OR5H6: variants seen among roughly 807,000 people sequenced by gnomAD.
OR5H6 encodes olfactory receptor family 5 subfamily H member 6, also known as olfactory receptor 5H6.
For missense variants in OR5H6, 429 were observed against 358.1 expected (o/e 1.20, Z -1.60); for synonymous variants, 151 against 127.7 (o/e 1.18, Z -1.23).
chr3:98,264,939 G>A lies in OR5H6; in HGVS notation c.607G>A (p.Ala203Thr), dbSNP rs144411993. 1.1e-4 allele frequency: 171 copies of A among 1,605,044 alleles called. No homozygotes were observed. Among genetic ancestry groups the A allele is most frequent in the Admixed American group, 9.9e-4 (58 of 58,344 alleles). The change falls in exon 1 of 1, where the codon GCA becomes ACA. Residue 203 changes from alanine to threonine, a missense_variant. Ala to Thr is a moderately conservative substitution (Grantham distance 58). Coordinates refer to ENST00000615035, the MANE Select transcript of OR5H6 (RefSeq NM_001005479.2). ...TAACTTTCTAATGGTTTTTATTTTC[G>A]CAGGTTCTGTTCAAGTTTTTACCAT... ...SINFLMVFIF[A>T]GSVQVFTIGT...
rs1705879280 is a variant in OR5H6, at chr3:98,265,192, C to T, written c.860C>T (p.Pro287Leu). 2 of 1,610,034 alleles carry T rather than the reference C, an allele frequency of 1.2e-6. No homozygotes were observed. The highest frequency in any genetic ancestry group is 1.7e-6 in the Non-Finnish European group (2 of 1,178,434). ...ACTGTCATAGTTCCTTTATTAAATC[C>T]CATGATCTACAGCCTGAGAAACAAG... is the stretch of plus-strand genomic sequence containing the variant. ...FYTVIVPLLN[P>L]MIYSLRNKQV... The change falls in exon 1 of 1, where the codon CCC becomes CTC. Residue 287 changes from proline to leucine, a missense_variant. Physicochemically the swap from Pro to Leu is moderately conservative, Grantham distance 98. Coordinates refer to ENST00000615035, the MANE Select transcript of OR5H6 (RefSeq NM_001005479.2).
Position 98,264,902 on chromosome 3 carries a change from T to C in OR5H6, c.570T>C (p.Thr190=). ...TCCCATTGTTAAAGATTTCCTGTAC[T>C]GATTCCTCTATTAACTTTCTAATGG... is the stretch of plus-strand genomic sequence containing the variant. ...DIIPLLKISC[T]DSSINFLMVF... is the part of the protein sequence containing the mutation. The change falls in exon 1 of 1, where the codon ACT becomes ACC. Residue 190 remains threonine, a synonymous_variant. Coordinates refer to ENST00000615035, the MANE Select transcript of OR5H6 (RefSeq NM_001005479.2). 1.2e-6 allele frequency: 2 copies of C among 1,610,238 alleles called. No individual in the cohort carries two copies. The highest frequency in any genetic ancestry group is 1.7e-6 in the Non-Finnish European group (2 of 1,178,452).
rs140315630 is a variant in OR5H6 at position 98,265,044 on chromosome 3, G to A, written c.712G>A (p.Val238Ile). The A allele has an allele frequency of 6.8e-6, 11 of 1,612,868 alleles. No homozygotes were observed. Among genetic ancestry groups the A allele is most frequent in the South Asian group, 5.5e-5 (5 of 91,044 alleles). The change falls in exon 1 of 1, where the codon GTC (valine) becomes ATC (isoleucine). Residue 238 changes from valine to isoleucine, a missense_variant. Val to Ile is a conservative substitution (Grantham distance 29). Transcript: ENST00000615035. ...GTCTATCAAAGGGATACGAAAAGCT[G>A]TCTCCACCTGTGGGGCTCATCTCTT... ...KKSIKGIRKA[V>I]STCGAHLLSV...
rs754833238 is a variant in OR5H6 at position 98,264,267 on chromosome 3, CT to C, written c.-65del. The C allele has an allele frequency of 6.3e-7, 1 of 1,591,958 alleles. No homozygotes were observed. Among genetic ancestry groups the C allele is most frequent in the Non-Finnish European group, 8.6e-7 (1 of 1,169,502 alleles). ...TTCAACACCTCTTCCCCAATTTCAA[CT>C]CACAATTCCATTGCAAATGTTCCTT... On this transcript the variant is annotated 5_prime_UTR_variant, in exon 1 of 1. Transcript: ENST00000615035.
chr3:98,264,303 T>C lies in OR5H6; in HGVS notation c.-30T>C. On this transcript the variant is annotated 5_prime_UTR_variant, in exon 1 of 1. Transcript: ENST00000615035. ...ATTGCAAATGTTCCTTTACCTTTGCTTCATTTTTCAGAGGACATGCAGTGA... is the reference window on the plus strand; with the variant it reads ...ATTGCAAATGTTCCTTTACCTTTGCCTCATTTTTCAGAGGACATGCAGTGA... The C allele has an allele frequency of 6.2e-7, 1 of 1,611,030 alleles. No homozygotes were observed. Among genetic ancestry groups the C allele is most frequent in the Non-Finnish European group, 8.5e-7 (1 of 1,178,172 alleles).
Position 98,264,244 on chromosome 3 carries a change from C to T in OR5H6, c.-89C>T, listed in dbSNP as rs758091608. 6.4e-7 allele frequency: 1 copy of T among 1,571,904 alleles called. No homozygotes were observed. The highest frequency in any genetic ancestry group is 1.2e-5 in the South Asian group (1 of 82,746). ...GGCTCGATAATTACATAGTTTATTT[C>T]AACACCTCTTCCCCAATTTCAACTC... On this transcript the variant is annotated 5_prime_UTR_variant, in exon 1 of 1. Coordinates refer to ENST00000615035, the MANE Select transcript of OR5H6 (RefSeq NM_001005479.2).
rs1159487935 is a variant in OR5H6, at chr3:98,264,698, C to T, written c.366C>T (p.Arg122=). Residue 122 remains arginine, a synonymous_variant, in exon 1 of 1, where the codon CGC becomes CGT. Coordinates refer to ENST00000615035, the MANE Select transcript of OR5H6 (RefSeq NM_001005479.2). ...CFLLATMAYD[R]YVAICKALLY... is the part of the protein sequence containing the mutation. ...TCTTGGCAACAATGGCATATGATCG[C>T]TATGTAGCCATTTGCAAAGCTTTAC... 6.2e-7 allele frequency: 1 copy of T among 1,613,076 alleles called. No individual in the cohort carries two copies. Among genetic ancestry groups the T allele is most frequent in the African/African-American group, 1.3e-5 (1 of 74,882 alleles).
At position 98,264,773 on chromosome 3, in the gene OR5H6, G is replaced by A. The variant is rs997382935; in HGVS notation, c.441G>A (p.Leu147=). Residue 147 remains leucine (L), a synonymous_variant, in exon 1 of 1, where the codon TTG becomes TTA. Transcript: ENST00000615035. ...AACTATGCATTCAGCTATTAGTCTT[G>A]TCATTTATAGGTGGCCTTCTTCATG... The part of the protein sequence containing the change: ...TNELCIQLLV[L]SFIGGLLHAL... The A allele has an allele frequency of 6.2e-7, 1 of 1,612,986 alleles. No homozygotes were observed. The highest frequency in any genetic ancestry group is 1.1e-5 in the South Asian group (1 of 90,974).
rs1165309687 is a variant in OR5H6 at position 98,264,714 on chromosome 3, A to T, written c.382A>T (p.Lys128Ter). The change falls in exon 1 of 1, where the codon AAA becomes TAA. Residue 128 changes from lysine (K) to a stop codon, truncating the protein, a stop_gained. Coordinates refer to ENST00000615035, the MANE Select transcript of OR5H6 (RefSeq NM_001005479.2). LOFTEE classifies it low-confidence loss of function (END_TRUNC). The stretch of plus-strand genomic sequence containing the variant: ...ATATGATCGCTATGTAGCCATTTGC[A>T]AAGCTTTACTTTATCCAGTCATTAT... ...MAYDRYVAIC[K>*]ALLYPVIMTN... The T allele has an allele frequency of 1.2e-6, 2 of 1,613,318 alleles. No individual in the cohort carries two copies. Among genetic ancestry groups the T allele is most frequent in the Admixed American group, 3.3e-5 (2 of 59,956 alleles).
rs755441882 is a variant in OR5H6 at position 98,265,109 on chromosome 3, T to A, written c.777T>A (p.Tyr259Ter). ...ACTATGGCCCCCTCACCTTCAAATA[T>A]CTGGGCTCTGCATCTCCGCAAGCAG... is the stretch of plus-strand genomic sequence containing the variant. ...SLYYGPLTFK[Y>*]LGSASPQADD... The change falls in exon 1 of 1, where the codon TAT (tyrosine) becomes TAA (stop). Residue 259 changes from tyrosine (Y) to a stop codon, truncating the protein, a stop_gained. Coordinates refer to ENST00000615035, the MANE Select transcript of OR5H6 (RefSeq NM_001005479.2). LOFTEE classifies it low-confidence loss of function (END_TRUNC). The A allele has an allele frequency of 6.8e-6, 11 of 1,613,086 alleles. No individual in the cohort carries two copies. The highest frequency in any genetic ancestry group is 9.3e-6 in the Non-Finnish European group (11 of 1,179,478).
Position 98,265,262 on chromosome 3 carries a change from G to C in OR5H6, c.930G>C (p.Ter310TyrextTer?). 1 of 1,565,962 alleles carries C rather than the reference G, an allele frequency of 6.4e-7. No individual in the cohort carries two copies. The highest frequency in any genetic ancestry group is 8.6e-7 in the Non-Finnish European group (1 of 1,159,090). The change falls in exon 1 of 1, where the codon TAG becomes TAC. Residue 310 changes from the stop codon to tyrosine (Y), a stop_lost. Coordinates refer to ENST00000615035, the MANE Select transcript of OR5H6 (RefSeq NM_001005479.2). ...CAAAAATGTTCAAAAGCAATGTTTAGATCTCATACAATCTCTCTTCTCTAT... is the reference window on the plus strand; with the variant it reads ...CAAAAATGTTCAAAAGCAATGTTTACATCTCATACAATCTCTCTTCTCTAT... ...SFTKMFKSNV[*>Y] is the part of the protein sequence containing the mutation.
In OR5H6 at chr3:98,265,168, C is replaced by G; in HGVS notation, c.836C>G (p.Thr279Ser). ...DQDMMESLFYTVIVPLLNPMI... is the reference protein window; with the variant it reads ...DQDMMESLFYSVIVPLLNPMI... ...GATATGATGGAGTCTCTATTTTACA[C>G]TGTCATAGTTCCTTTATTAAATCCC... The change falls in exon 1 of 1, where the codon ACT becomes AGT. Residue 279 changes from threonine (T) to serine (S), a missense_variant. Transcript: ENST00000615035. 4 of 1,613,062 alleles carry G rather than the reference C, an allele frequency of 2.5e-6. No homozygotes were observed. The highest frequency in any genetic ancestry group is 3.4e-6 in the Non-Finnish European group (4 of 1,179,374).
At position 98,265,271 on chromosome 3, in the gene OR5H6, C is replaced by A; in HGVS notation, c.*9C>A. The A allele has an allele frequency of 6.4e-7, 1 of 1,553,698 alleles. No homozygotes were observed. Among genetic ancestry groups the A allele is most frequent in the Non-Finnish European group, 8.7e-7 (1 of 1,153,690 alleles). On this transcript the variant is annotated 3_prime_UTR_variant, in exon 1 of 1. Transcript: ENST00000615035. ...TCAAAAGCAATGTTTAGATCTCATA[C>A]AATCTCTCTTCTCTATTTACTAAAA...
At position 98,264,687 on chromosome 3, in the gene OR5H6, G is replaced by A. The variant is rs1284172687; in HGVS notation, c.355G>A (p.Ala119Thr). ...TTECFLLATM[A>T]YDRYVAICKA... is the part of the protein sequence containing the mutation. ...AGAATGTTTTCTCTTGGCAACAATGGCATATGATCGCTATGTAGCCATTTG... is the reference window on the plus strand; with the variant it reads ...AGAATGTTTTCTCTTGGCAACAATGACATATGATCGCTATGTAGCCATTTG... The change falls in exon 1 of 1, where the codon GCA becomes ACA. Residue 119 changes from alanine to threonine, a missense_variant. Ala to Thr is a moderately conservative substitution (Grantham distance 58). Coordinates refer to ENST00000615035, the MANE Select transcript of OR5H6 (RefSeq NM_001005479.2). 1 of 1,613,140 alleles carries A rather than the reference G, an allele frequency of 6.2e-7. No homozygotes were observed. The highest frequency in any genetic ancestry group is 2.2e-5 in the East Asian group (1 of 44,860).
At position 98,265,211 on chromosome 3, in the gene OR5H6, A is replaced by T. The variant is rs757294849; in HGVS notation, c.879A>T (p.Arg293Ser). The change falls in exon 1 of 1, where the codon AGA (arginine) becomes AGT (serine). Residue 293 changes from arginine to serine, a missense_variant. Physicochemically the swap from Arg to Ser is moderately radical, Grantham distance 110 (BLOSUM62 -1). Transcript: ENST00000615035. ...PLLNPMIYSL[R>S]NKQVIASFTK... The stretch of plus-strand genomic sequence containing the variant: ...TAAATCCCATGATCTACAGCCTGAG[A>T]AACAAGCAAGTAATAGCTTCATTCA... 1 of 1,601,468 alleles carries T rather than the reference A, an allele frequency of 6.2e-7. No individual in the cohort carries two copies. Among genetic ancestry groups the T allele is most frequent in the African/African-American group, 1.3e-5 (1 of 74,162 alleles).
Position 98,264,757 on chromosome 3 carries a change from T to A in OR5H6, c.425T>A (p.Ile142Asn), listed in dbSNP as rs148538688. 11 of 1,613,314 alleles carry A rather than the reference T, an allele frequency of 6.8e-6. No individual in the cohort carries two copies. In the Admixed American group the frequency reaches 1.7e-4, roughly 24 times the overall value. ...GTCATTATGACCAATGAACTATGCATTCAGCTATTAGTCTTGTCATTTATA... is the reference window on the plus strand; with the variant it reads ...GTCATTATGACCAATGAACTATGCAATCAGCTATTAGTCTTGTCATTTATA... ...YPVIMTNELC[I>N]QLLVLSFIGG... The change falls in exon 1 of 1, where the codon ATT becomes AAT. Residue 142 changes from isoleucine (I) to asparagine (N), a missense_variant. Transcript: ENST00000615035.
In OR5H6 at chr3:98,264,964, T is replaced by C. The variant is rs770075674; in HGVS notation, c.632T>C (p.Ile211Thr). ...IFAGSVQVFT[I>T]GTILISYTII... is the part of the protein sequence containing the mutation. The stretch of plus-strand genomic sequence containing the variant: ...GCAGGTTCTGTTCAAGTTTTTACCA[T>C]TGGAACTATTCTTATATCTTATACA... Residue 211 changes from isoleucine (I) to threonine (T), a missense_variant, in exon 1 of 1, where the codon ATT (isoleucine) becomes ACT (threonine). By Grantham distance (89) the Ile-to-Thr change is moderately conservative (BLOSUM62 -1). Coordinates refer to ENST00000615035, the MANE Select transcript of OR5H6 (RefSeq NM_001005479.2). 31 of 1,608,314 alleles carry C rather than the reference T, an allele frequency of 1.9e-5. No homozygotes were observed. Among genetic ancestry groups the C allele is most frequent in the Non-Finnish European group, 2.3e-5 (27 of 1,177,646 alleles).
rs746794996 is a variant in OR5H6, at chr3:98,264,648, A to G, written c.316A>G (p.Thr106Ala). ...ECMVQFFSLV[T>A]TVTTECFLLA... ...CATGGTACAATTTTTTTCCCTTGTAACCACTGTAACCACAGAATGTTTTCT... is the reference window on the plus strand; with the variant it reads ...CATGGTACAATTTTTTTCCCTTGTAGCCACTGTAACCACAGAATGTTTTCT... Residue 106 changes from threonine to alanine, a missense_variant, in exon 1 of 1, where the codon ACC becomes GCC. Transcript: ENST00000615035. 2.5e-6 allele frequency: 1 copy of G among 406,976 alleles called. No homozygotes were observed. Among genetic ancestry groups the G allele is most frequent in the African/African-American group, 2.3e-5 (1 of 42,954 alleles). The allele number at this position is 406,976 out of a possible 1,614,324, so 25.2% of individuals were successfully genotyped here.
In OR5H6 at chr3:98,264,263, T is replaced by G; in HGVS notation, c.-70T>G. ...TTATTTCAACACCTCTTCCCCAATT[T>G]CAACTCACAATTCCATTGCAAATGT... is the stretch of plus-strand genomic sequence containing the variant. On this transcript the variant is annotated 5_prime_UTR_variant, in exon 1 of 1. Coordinates refer to ENST00000615035, the MANE Select transcript of OR5H6 (RefSeq NM_001005479.2). The G allele has an allele frequency of 6.3e-7, 1 of 1,590,500 alleles. No homozygotes were observed. Among genetic ancestry groups the G allele is most frequent in the Non-Finnish European group, 8.6e-7 (1 of 1,168,870 alleles).
Sources: gnomAD v4.1 joint callset for allele counts on GRCh38, gnomAD v4.1.1 for gene constraint, MANE v1.5 for transcripts, NCBI Gene and HGNC (gene_info 2026-07-23, HGNC 2026-07-21) for gene names.